Variants in ZFP90 observed in about 807,000 individuals in gnomAD.
ZFP90 encodes ZFP90 zinc finger protein, also known as zinc finger protein 90 homolog.
Under a neutral mutation model 60.8 loss-of-function variants are expected in ZFP90, and 38 were observed. The ratio of observed to expected loss-of-function variants is 0.62; its 90% CI spans 0.48 to 0.82. The LOEUF is 0.82. Ranked by LOEUF, ZFP90 falls within the 40% of genes least tolerant of loss-of-function variation. The pLI, the probability that ZFP90 is intolerant of heterozygous loss-of-function variation, is 0.00. For synonymous variants in ZFP90, 287 were observed against 264.8 expected, an observed-to-expected ratio of 1.08 and a Z score of -0.82; for missense variants, 711 against 759.1, an observed-to-expected ratio of 0.94 and a Z score of 0.74.
intron 2 of ZFP90, among the ~76,000 whole-genome samples, chr16:68,544,806 A>C (rs1462128356): frequency 7.0e-6 from 1 of 142,710 alleles, no homozygotes; most frequent in Non-Finnish European, 1.5e-5. Flanking sequence ...CTGAGATTGC[A>C]CCTTCCCGTG....
chr16:68,550,151 A>G (rs1187054528), intron 2 of ZFP90, among the ~76,000 whole-genome samples: 1 of 152,228 alleles, frequency 6.6e-6, no homozygotes, highest in African/African-American at 2.4e-5. Context: ...TTAAAACAAT[A>G]TATCCAGAAT....
chr16:68,535,977 A>T (rs2090957671), upstream of ZFP90, among the ~76,000 whole-genome samples: 1 of 152,128 alleles, frequency 6.6e-6, no homozygotes, highest in African/African-American at 2.4e-5. Flanking sequence ...TCAGTCTCCA[A>T]ATGGGTGTGA....
In ZFP90 at chr16:68,563,404, C is replaced by T. The variant is rs371755481; in HGVS notation, c.617C>T (p.Ala206Val). The T allele has an allele frequency of 1.2e-6, 2 of 1,610,146 alleles. No individual in the cohort carries two copies. The highest frequency in any genetic ancestry group is 1.1e-5 in the South Asian group (1 of 90,116). Residue 206 changes from alanine (A) to valine (V), a missense_variant, in exon 5 of 5, where the codon GCA becomes GTA. By Grantham distance (64) the Ala-to-Val change is moderately conservative. Coordinates refer to ENST00000563169, the MANE Select transcript of ZFP90 (RefSeq NM_001305203.2). ...ADLLNENNILAKKKPYKCDKC... is the reference protein window; with the variant it reads ...ADLLNENNILVKKKPYKCDKC... ...TTACTTAATGAGAATAATATTCTTGCAAAAAAGAAACCCTATAAGTGTGAT... is the reference window on the plus strand; with the variant it reads ...TTACTTAATGAGAATAATATTCTTGTAAAAAAGAAACCCTATAAGTGTGAT...
chr16:68,544,864 C>CTTTTTTT (rs71148911), intron 2 of ZFP90, among the ~76,000 whole-genome samples: 6 of 66,564 alleles, frequency 9.0e-5, no homozygotes, highest in Non-Finnish European at 1.1e-4. Flanking sequence ...CTGTGAACAC[C>CTTTTTTT]TTTTTTTTTT....
chr16:68,543,835 A>G (rs903310359), intron 2 of ZFP90, among the ~76,000 whole-genome samples: 3 of 147,738 alleles, frequency 2.0e-5, no homozygotes, highest in African/African-American at 7.5e-5. Flanking sequence ...CTGGGATTAT[A>G]GGCGTGAGCC....
At chr16:68,561,655 A>G (rs550817247) in intron 4 of ZFP90, among the ~76,000 whole-genome samples, 1 of 152,184 alleles carries the variant, frequency 6.6e-6, no homozygotes, top group East Asian at 1.9e-4. Flanking sequence ...GTGGCAGAGC[A>G]TATAGAAAGC....
chr16:68,560,048 T>C (rs2091413662), intron 4 of ZFP90, among the ~76,000 whole-genome samples: 1 of 152,234 alleles, frequency 6.6e-6, no homozygotes, highest in Non-Finnish European at 1.5e-5. Context: ...TTTAGATTGC[T>C]ATAATTTCCA....
At chr16:68,570,051 CGTGT>C (rs3053783), downstream of ZFP90, among the ~76,000 whole-genome samples, 8 of 150,196 alleles carry the variant, frequency 5.3e-5, no homozygotes, top group African/African-American at 9.8e-5. Context: ...TGTGTGTATA[CGTGT>C]GTGTGTGTGT....
In ZFP90 at chr16:68,564,680, T is replaced by C; in HGVS notation, c.1893T>C (p.His631=). 1 of 1,608,010 alleles carries C rather than the reference T, an allele frequency of 6.2e-7. No homozygotes were observed. Among genetic ancestry groups the C allele is most frequent in the Non-Finnish European group, 8.5e-7 (1 of 1,178,222 alleles). The change falls in exon 5 of 5, where the codon CAT becomes CAC. Residue 631 remains histidine, a synonymous_variant. Coordinates refer to ENST00000563169, the MANE Select transcript of ZFP90 (RefSeq NM_001305203.2). The part of the protein sequence containing the change: ...SSALTKHQRI[H]TRNKL ...CTCTTACTAAACACCAGAGAATTCATACTCGAAATAAACTCTAGGAACCGT... is the reference window on the plus strand; with the variant it reads ...CTCTTACTAAACACCAGAGAATTCACACTCGAAATAAACTCTAGGAACCGT...
In ZFP90 at chr16:68,564,216, C is replaced by T. The variant is rs200520957; in HGVS notation, c.1429C>T (p.Pro477Ser). ...TCAGAGGATCCATACTGCAGAGAAC[C>T]CCTATGATTGTGAGCAGGCTTTTAG... Reference protein sequence around the residue: ...DHQRIHTAENPYDCEQAFSQQ... With the variant: ...DHQRIHTAENSYDCEQAFSQQ... The change falls in exon 5 of 5, where the codon CCC becomes TCC. Residue 477 changes from proline to serine, a missense_variant. By Grantham distance (74) the Pro-to-Ser change is moderately conservative. Coordinates refer to ENST00000563169, the MANE Select transcript of ZFP90 (RefSeq NM_001305203.2). 36 of 1,613,868 alleles carry T rather than the reference C, an allele frequency of 2.2e-5. No homozygotes were observed. In the African/African-American group the frequency reaches 4.3e-4, roughly 19 times the overall value.
chr16:68,563,588 A>T lies in ZFP90; in HGVS notation c.801A>T (p.Thr267=). Residue 267 remains threonine (T), a synonymous_variant, in exon 5 of 5, where the codon ACA becomes ACT. Coordinates refer to ENST00000563169, the MANE Select transcript of ZFP90 (RefSeq NM_001305203.2). ...GTGGGAAAACCTTTCTCTGGAAGAC[A>T]CAGCTTACTGAGCATCAGAGAATTC... is the stretch of plus-strand genomic sequence containing the variant. ...TDCGKTFLWK[T]QLTEHQRIHT... is the part of the protein sequence containing the mutation. 1.9e-6 allele frequency: 3 copies of T among 1,614,216 alleles called. No individual in the cohort carries two copies. The highest frequency in any genetic ancestry group is 2.5e-6 in the Non-Finnish European group (3 of 1,180,032).
intron 2 of ZFP90, among the ~76,000 whole-genome samples, chr16:68,544,692 C>G (rs1471705214): frequency 6.6e-6 from 1 of 152,044 alleles, no homozygotes; most frequent in Non-Finnish European, 1.5e-5. Flanking sequence ...CTTGCTGAAT[C>G]AGGTCAGGAT....
At chr16:68,545,473 T>TA (rs1242535569) in intron 2 of ZFP90, among the ~76,000 whole-genome samples, 1 of 152,210 alleles carries the variant, frequency 6.6e-6, no homozygotes, top group Non-Finnish European at 1.5e-5. Context: ...GAACAGTTTT[T>TA]AAAAAATTTG....
At chr16:68,540,808 C>CAA (rs35122186) in intron 2 of ZFP90, among the ~76,000 whole-genome samples, 18 of 92,632 alleles carry the variant, frequency 1.9e-4, no homozygotes, top group Admixed American at 5.6e-4. Context: ...TCCGTCTCTG[C>CAA]AAAAAAAAAA....
chr16:68,562,387 T>G (rs1027045812), intron 4 of ZFP90: 7 of 152,386 alleles, frequency 4.6e-5, no homozygotes, highest in Admixed American at 1.3e-4. Context: ...AAAGATCAAT[T>G]TATTAGCCAG....
chr16:68,576,304 C>G (rs1447312118), downstream of ZFP90, among the ~76,000 whole-genome samples: 2 of 152,188 alleles, frequency 1.3e-5, no homozygotes, highest in Non-Finnish European at 2.9e-5. Flanking sequence ...TGCAAACAGC[C>G]TTTTCCCCAG....
Position 68,564,670 on chromosome 16 carries a change from A to G in ZFP90, c.1883A>G (p.Gln628Arg), listed in dbSNP as rs754296960. The G allele has an allele frequency of 1.2e-6, 2 of 1,610,528 alleles. No individual in the cohort carries two copies. The highest frequency in any genetic ancestry group is 2.2e-5 in the South Asian group (2 of 90,074). ...CGAAGTTCAGCTCTTACTAAACACC[A>G]GAGAATTCATACTCGAAATAAACTC... ...FSRSSALTKH[Q>R]RIHTRNKL The change falls in exon 5 of 5, where the codon CAG becomes CGG. Residue 628 changes from glutamine (Q) to arginine (R), a missense_variant. Transcript: ENST00000563169.
At chr16:68,545,349 A>C (rs2091129931) in intron 2 of ZFP90, among the ~76,000 whole-genome samples, 1 of 152,186 alleles carries the variant, frequency 6.6e-6, no homozygotes, top group African/African-American at 2.4e-5. Context: ...CTTAAGCCCA[A>C]GCAGCAATTT....
chr16:68,542,686 A>G (rs1237868661), intron 2 of ZFP90, among the ~76,000 whole-genome samples: 1 of 152,206 alleles, frequency 6.6e-6, no homozygotes, highest in African/African-American at 2.4e-5. Context: ...GTGCATGTTC[A>G]TTAAAGCATT....
Sources: allele counts gnomAD v4.1 joint callset (sites outside exome capture counted in the v4.1 genomes callset), GRCh38; gene constraint gnomAD v4.1.1; transcripts MANE v1.5; gene names NCBI Gene and HGNC (gene_info 2026-07-23, HGNC 2026-07-21).